The following DCHS2 variants were observed in gnomAD, a reference collection of about 807,000 sequenced individuals.
The protein encoded by DCHS2 is dachsous cadherin-related 2, also known as protocadherin-23.
DCHS2 carries 142 observed loss-of-function variants against 182.4 expected under a neutral mutation model. The observed-to-expected ratio is 0.78, with a 90% CI of 0.68 to 0.89. The LOEUF is 0.89. Ranked by LOEUF, DCHS2 falls within the 40% of genes least tolerant of loss-of-function variation. The pLI is 0.00. For missense variants in DCHS2, 4,319 were observed against 4,198.6 expected, an observed-to-expected ratio of 1.03 and a Z score of -0.79; for synonymous variants, 1,740 against 1,663.3, an observed-to-expected ratio of 1.05 and a Z score of -1.12.
At chr4:154,253,828 G>A (rs1732510947) in intron 16 of DCHS2, among the ~76,000 whole-genome samples, 1 of 151,518 alleles carries the variant, frequency 6.6e-6, no homozygotes, top group African/African-American at 2.4e-5. Context: ...AGTTTAATCA[G>A]CTCTCATTGC....
At chr4:154,480,876 C>G (rs1330337643) in intron 1 of DCHS2, among the ~76,000 whole-genome samples, 1 of 151,974 alleles carries the variant, frequency 6.6e-6, no homozygotes, top group African/African-American at 2.4e-5. Context: ...CACTCACCAA[C>G]AGAGGCCTCC....
Position 154,320,595 on chromosome 4 carries a change from T to A in DCHS2, c.4804A>T (p.Arg1602Ter). 6.2e-7 allele frequency: 1 copy of A among 1,614,142 alleles called. No homozygotes were observed. Among genetic ancestry groups the A allele is most frequent in the Non-Finnish European group, 8.5e-7 (1 of 1,180,002 alleles). Residue 1602 changes from arginine to a stop codon, truncating the protein, a stop_gained, in exon 9 of 20, where the codon AGA becomes TGA. Transcript: ENST00000357232. LOFTEE classifies it high-confidence loss of function. The part of the protein sequence containing the change: ...QAVNVTDRRL[R>*]SLTAQIVILD... ...ATCACTATTTGTGCTGTCAGTGATCTCAGTCGCCGGTCTGTCACATTCACA... is the reference window on the plus strand; with the variant it reads ...ATCACTATTTGTGCTGTCAGTGATCACAGTCGCCGGTCTGTCACATTCACA...
In DCHS2 at chr4:154,384,850, G is replaced by A. The variant is rs1343377537; in HGVS notation, c.2053-7406C>T. ...AGGAGCACAGCCCTGCTGGATTGCA[G>A]ACTTCTAGTCTCCAGAACTGTGTGA... On this transcript the variant is annotated intron_variant, in intron 1 of 19. Transcript: ENST00000357232. Among the ~76,000 whole-genome samples, 3 of 152,066 alleles carry A rather than the reference G, an allele frequency of 2.0e-5. No homozygotes were observed. In the East Asian group the frequency reaches 5.8e-4, roughly 29 times the overall value.
chr4:154,312,458 A>C (rs898989448), intron 10 of DCHS2, among the ~76,000 whole-genome samples: 1 of 152,208 alleles, frequency 6.6e-6, no homozygotes, highest in Non-Finnish European at 1.5e-5. Flanking sequence ...TGGAGGCTGG[A>C]GGATGGCTTG....
At chr4:154,379,337 A>G (rs1474497816) in intron 1 of DCHS2, among the ~76,000 whole-genome samples, 1 of 152,192 alleles carries the variant, frequency 6.6e-6, no homozygotes, top group Non-Finnish European at 1.5e-5. Flanking sequence ...ACTGGGCAGA[A>G]CCAGTTATAT....
intron 13 of DCHS2, among the ~76,000 whole-genome samples, chr4:154,293,806 G>A (rs1734781828): frequency 6.6e-6 from 1 of 152,180 alleles, no homozygotes; most frequent in East Asian, 1.9e-4. Flanking sequence ...TCACTGGAAA[G>A]CACATGAGGC....
In DCHS2 at chr4:154,373,865, T is replaced by G. The variant is rs951820395; in HGVS notation, c.2244+3388A>C. On this transcript the variant is annotated intron_variant, in intron 2 of 19. Transcript: ENST00000357232. ...GAAAACTCGAAGCTCTGACAACCCA[T>G]TTCCAGGCACCAGATGTTAAAAGAC... 2.3e-5 allele frequency: 34 copies of G among 1,452,734 alleles called. No individual in the cohort carries two copies. The South Asian group carries it at 2.4e-4, about 10-fold the overall frequency. 90.0% of individuals were successfully genotyped at this position (1,452,734 alleles called of 1,614,324 possible). A position where few individuals can be genotyped will look rare whatever the true frequency, so the allele number is the denominator to read the frequency against.
intron 13 of DCHS2, among the ~76,000 whole-genome samples, chr4:154,280,342 AAGAGG>A (rs1180288859): frequency 6.6e-6 from 1 of 152,166 alleles, no homozygotes; most frequent in Non-Finnish European, 1.5e-5. Context: ...CAAGAAATTG[AAGAGG>A]AGAGAATACT....
At chr4:154,446,615 G>A (rs908647848) in intron 1 of DCHS2, among the ~76,000 whole-genome samples, 1 of 152,166 alleles carries the variant, frequency 6.6e-6, no homozygotes, top group African/African-American at 2.4e-5. Flanking sequence ...CATATACAGA[G>A]AGTAAGGGAT....
At chr4:154,283,142 C>A (rs1282494630) in intron 13 of DCHS2, among the ~76,000 whole-genome samples, 2 of 151,964 alleles carry the variant, frequency 1.3e-5, no homozygotes, top group Non-Finnish European at 2.9e-5. Flanking sequence ...TAGAAATAAT[C>A]AAGATGGTAA....
At chr4:154,259,234 A>G (rs1200440612) in intron 15 of DCHS2, among the ~76,000 whole-genome samples, 1 of 152,128 alleles carries the variant, frequency 6.6e-6, no homozygotes, top group African/African-American at 2.4e-5. Flanking sequence ...TTCACTCATT[A>G]CACTAAATGC....
chr4:154,322,555 T>G, intron 7 of DCHS2, 67 bp from the exon 8 acceptor site: 2 of 1,483,398 alleles, frequency 1.3e-6, no homozygotes, highest in African/African-American at 1.4e-5. Context: ...AATCAATTAA[T>G]CCAATATATC....
At chr4:154,444,736 C>G (rs1340615754) in intron 1 of DCHS2, among the ~76,000 whole-genome samples, 1 of 152,216 alleles carries the variant, frequency 6.6e-6, no homozygotes, top group Non-Finnish European at 1.5e-5. Flanking sequence ...CCTTCACTCA[C>G]TTTCCTCCAC....
rs748264681 is a variant in DCHS2 at position 154,297,944 on chromosome 4, C to T, written c.6370G>A (p.Gly2124Ser). 34 of 1,613,928 alleles carry T rather than the reference C, an allele frequency of 2.1e-5. No individual in the cohort carries two copies. Among genetic ancestry groups the T allele is most frequent in the Non-Finnish European group, 2.7e-5 (32 of 1,179,986 alleles). ...DQGIPARTTT[G>S]LLVIHMEGED... ...CCTTCCATGTGAATGACCAAGAGAC[C>T]CGTGGTTGTCCTGGCTGGAATGCCC... Residue 2124 changes from glycine to serine, a missense_variant, in exon 13 of 20, where the codon GGT becomes AGT. Physicochemically the swap from Gly to Ser is moderately conservative, Grantham distance 56 (BLOSUM62 0). Transcript: ENST00000357232.
At position 154,232,658 on chromosome 4, in the gene DCHS2, T is replaced by A. The variant is rs1420937339; in HGVS notation, c.*1878A>T. On this transcript the variant is annotated 3_prime_UTR_variant, in exon 20 of 20. Coordinates refer to ENST00000357232, the MANE Select transcript of DCHS2 (RefSeq NM_001358235.2). ...GAAAATATAGTATAGGGTTTCTTTC[T>A]ATGCTCAAAGCAATGTTTTCAAAAG... 1.3e-5 allele frequency: 2 copies of A among 152,122 alleles called. No homozygotes were observed. Among genetic ancestry groups the A allele is most frequent in the African/African-American group, 2.4e-5 (1 of 41,446 alleles). 9.4% of individuals were successfully genotyped at this position (152,122 alleles called of 1,614,324 possible). A position where few individuals can be genotyped will look rare whatever the true frequency, so the allele number is the denominator to read the frequency against.
chr4:154,419,386 T>A (rs1026887284), intron 1 of DCHS2, among the ~76,000 whole-genome samples: 2 of 152,104 alleles, frequency 1.3e-5, no homozygotes, highest in African/African-American at 2.4e-5. Context: ...GATGCAGCAA[T>A]TATATTTTAA....
chr4:154,372,201 G>T (rs866803700), intron 2 of DCHS2, among the ~76,000 whole-genome samples: 1 of 152,180 alleles, frequency 6.6e-6, no homozygotes, highest in South Asian at 2.1e-4. Context: ...ACAATGGGGG[G>T]ATGGGGCAAC....
chr4:154,392,530 C>G (rs1731754893), intron 1 of DCHS2, among the ~76,000 whole-genome samples: 1 of 152,182 alleles, frequency 6.6e-6, no homozygotes, highest in African/African-American at 2.4e-5. Context: ...TGACTGACTG[C>G]ACTATAGCTA....
At chr4:154,331,386 C>G (rs1440657633) in intron 5 of DCHS2, among the ~76,000 whole-genome samples, 1 of 152,066 alleles carries the variant, frequency 6.6e-6, no homozygotes, top group African/African-American at 2.4e-5. Flanking sequence ...AAGAAAAAAA[C>G]AAGTGAAATA....
Sources: gnomAD v4.1 joint callset for allele counts (sites outside exome capture counted in the v4.1 genomes callset) on GRCh38, gnomAD v4.1.1 for gene constraint, MANE v1.5 for transcripts, NCBI Gene and HGNC (gene_info 2026-07-23, HGNC 2026-07-21) for gene names.